Variants in CLNK observed in about 807,000 individuals in gnomAD.
The protein encoded by CLNK is cytokine dependent hematopoietic cell linker, also known as cytokine-dependent hematopoietic cell linker.
CLNK carries 74 observed loss-of-function variants against 68.6 expected under a neutral mutation model. That is an observed-to-expected ratio of 1.08 (90% CI 0.89 to 1.31). The LOEUF is 1.31. Among genes scored for constraint, CLNK ranks in the 50% most tolerant of loss-of-function variants. CLNK has a pLI of 0.00. For synonymous variants in CLNK, 198 were observed against 172.2 expected (o/e 1.15, Z -1.17); for missense variants, 553 against 515.3 (o/e 1.07, Z -0.71).
chr4:10,664,741 C>A (rs901302589), intron 2 of CLNK, among the ~76,000 whole-genome samples: 13 of 152,168 alleles, frequency 8.5e-5, no homozygotes, highest in Non-Finnish European at 8.8e-5. Context: ...GTGCAGCCTG[C>A]CCTTAGATCA....
chr4:10,644,069 C>G (rs527415894), intron 2 of CLNK, among the ~76,000 whole-genome samples: 1 of 152,304 alleles, frequency 6.6e-6, no homozygotes, highest in East Asian at 1.9e-4. Context: ...GAAAGGGGAG[C>G]CCGTGGAATG....
intron 10 of CLNK, 69 bp downstream of exon 10, chr4:10,541,953 C>G (rs1351508732): frequency 1.7e-6 from 2 of 1,183,706 alleles, no homozygotes; most frequent in Admixed American, 4.6e-5. Context: ...TTGTGTTTCT[C>G]TTTTTCAGAT....
intron 16 of CLNK, among the ~76,000 whole-genome samples, chr4:10,511,626 C>T (rs1166685554): frequency 2.0e-5 from 3 of 152,132 alleles, no homozygotes; most frequent in African/African-American, 7.2e-5. Context: ...ATTTGTCCTC[C>T]ATGTCTGACT....
chr4:10,533,013 T>A (rs1348525483), intron 11 of CLNK, among the ~76,000 whole-genome samples: 2 of 152,168 alleles, frequency 1.3e-5, no homozygotes, highest in Non-Finnish European at 2.9e-5. Context: ...ATCCCAGCAC[T>A]TTGGGAGGCT....
intron 2 of CLNK, among the ~76,000 whole-genome samples, chr4:10,611,014 T>A (rs1721994651): frequency 6.6e-6 from 1 of 151,728 alleles, no homozygotes; most frequent in Admixed American, 6.6e-5. Flanking sequence ...TGAAACCCCA[T>A]CTCTACTAAA....
At chr4:10,637,619 G>A (rs1479077105) in intron 2 of CLNK, among the ~76,000 whole-genome samples, 1 of 118,574 alleles carries the variant, frequency 8.4e-6, no homozygotes, top group East Asian at 2.5e-4. Context: ...TTTTGAGACG[G>A]AGTCTCACTC....
At position 10,487,546 on chromosome 4, in the gene CLNK, G is replaced by A. The variant is rs1365606763; in HGVS notation, c.*2921C>T. 1 of 152,104 alleles carries A rather than the reference G, an allele frequency of 6.6e-6. No individual in the cohort carries two copies. The highest frequency in any genetic ancestry group is 1.9e-4 in the East Asian group (1 of 5,200). 9.4% of individuals were successfully genotyped at this position (152,104 alleles called of 1,614,324 possible). A position where few individuals can be genotyped will look rare whatever the true frequency, so the allele number is the denominator to read the frequency against. ...GAGGTGGGTCTCTTGAGTCTCCATTGAAATAACTTGCTGGCCAGCAAGTTA... is the reference window on the plus strand; with the variant it reads ...GAGGTGGGTCTCTTGAGTCTCCATTAAAATAACTTGCTGGCCAGCAAGTTA... On this transcript the variant is annotated 3_prime_UTR_variant, in exon 19 of 19. Transcript: ENST00000226951.
the CLNK span, among the ~76,000 whole-genome samples, chr4:10,716,198 G>A: frequency 6.6e-6 from 1 of 152,114 alleles, no homozygotes; most frequent in African/African-American, 2.4e-5. Flanking sequence ...AGGAAAATTT[G>A]TATGACTTTT....
In CLNK at chr4:10,490,516, C is replaced by A; in HGVS notation, c.1238G>T (p.Cys413Phe). 3.1e-6 allele frequency: 5 copies of A among 1,612,680 alleles called. No homozygotes were observed. The highest frequency in any genetic ancestry group is 4.2e-6 in the Non-Finnish European group (5 of 1,179,426). Residue 413 changes from cysteine to phenylalanine, a missense_variant, in exon 19 of 19, where the codon TGT (cysteine) becomes TTT (phenylalanine). Physicochemically the swap from Cys to Phe is radical, Grantham distance 205 (BLOSUM62 -2). Transcript: ENST00000226951. ...GAGAGGGAGTGGCTGAGTGAGGTGA[C>A]ACTGTTTCCTGTGGACCCCAGTTTT... ...KDKTGVHRKQ[C>F]HLTQPLPLTR...
At chr4:10,562,762 AT>A (rs1461387955) in intron 7 of CLNK, among the ~76,000 whole-genome samples, 4 of 151,962 alleles carry the variant, frequency 2.6e-5, no homozygotes, top group Non-Finnish European at 4.4e-5. Flanking sequence ...TCTACTGAGA[AT>A]TTTTTTCCTT....
At chr4:10,627,469 G>C (rs1250938582) in intron 2 of CLNK, among the ~76,000 whole-genome samples, 4 of 152,110 alleles carry the variant, frequency 2.6e-5, no homozygotes, top group Non-Finnish European at 5.9e-5. Context: ...CATTGGCATT[G>C]GTTTCTACTT....
upstream of CLNK, among the ~76,000 whole-genome samples, chr4:10,685,852 G>C (rs1030560938): frequency 1.3e-5 from 2 of 152,142 alleles, no homozygotes; most frequent in Admixed American, 6.5e-5. Flanking sequence ...AGGGAGACTC[G>C]AGTAGTTTAA....
rs146536558 is a variant in CLNK, at chr4:10,630,667, A to C, written c.12-32618T>G. On this transcript the variant is annotated intron_variant, in intron 2 of 18. Transcript: ENST00000226951. ...TCCTATCTATCTACACCATCTGAGC[A>C]TCCTTCTTTCTCATTCATTCAGTCA... Among the ~76,000 whole-genome samples, 832 of 152,324 alleles carry C rather than the reference A, an allele frequency of 5.5e-3. 10 individuals are homozygous for C. The highest frequency in any genetic ancestry group is 0.019 in the African/African-American group (794 of 41,558).
chr4:10,605,637 G>C (rs910459724), intron 2 of CLNK, among the ~76,000 whole-genome samples: 3 of 151,924 alleles, frequency 2.0e-5, no homozygotes, highest in Non-Finnish European at 2.9e-5. Context: ...AGACCATCCT[G>C]CCCAACATGG....
intron 4 of CLNK, among the ~76,000 whole-genome samples, chr4:10,582,636 A>G (rs1720824496): frequency 1.3e-5 from 2 of 152,166 alleles, no homozygotes; most frequent in African/African-American, 2.4e-5. Context: ...ACCTTGACAG[A>G]CTGTCCCAGT....
At chr4:10,532,320 A>G (rs779626778) in intron 11 of CLNK, 37 bp from the exon 12 acceptor site, 3 of 1,556,886 alleles carry the variant, frequency 1.9e-6, no homozygotes, top group African/African-American at 1.4e-5. Flanking sequence ...CATAAAACAC[A>G]GTTCATAATG....
At chr4:10,492,775 A>T (rs1367331063) in intron 18 of CLNK, among the ~76,000 whole-genome samples, 1 of 152,172 alleles carries the variant, frequency 6.6e-6, no homozygotes, top group Non-Finnish European at 1.5e-5. Flanking sequence ...TGGGGAAAGA[A>T]ATGTAGAGTG....
intron 2 of CLNK, among the ~76,000 whole-genome samples, chr4:10,600,588 T>C (rs1721556167): frequency 6.6e-6 from 1 of 152,222 alleles, no homozygotes; most frequent in East Asian, 1.9e-4. Context: ...GGGTAGATTG[T>C]AGCCTGGGCA....
chr4:10,564,594 C>G (rs568723468), intron 7 of CLNK, 77 bp downstream of exon 7: 2 of 979,166 alleles, frequency 2.0e-6, no homozygotes, highest in East Asian at 4.9e-5. Context: ...GCCTGGGGGA[C>G]AGGAGATGGG....
Sources: allele counts gnomAD v4.1 joint callset (sites outside exome capture counted in the v4.1 genomes callset), GRCh38; gene constraint gnomAD v4.1.1; transcripts MANE v1.5; gene names NCBI Gene and HGNC (gene_info 2026-07-23, HGNC 2026-07-21).